The following KIF16B variants were observed in gnomAD, a reference collection of about 807,000 sequenced individuals.
KIF16B encodes the protein kinesin-like protein KIF16B.
Under a neutral mutation model 156.3 loss-of-function variants are expected in KIF16B, and 98 were observed. The ratio of observed to expected loss-of-function variants is 0.63; its 90% confidence interval spans 0.53 to 0.74. KIF16B has a LOEUF of 0.74. Among genes scored for constraint, KIF16B ranks in the 30% least tolerant of loss-of-function variants. KIF16B has a pLI of 0.00. For missense variants in KIF16B, 1,421 were observed against 1,606.5 expected (o/e 0.88, Z 1.97); for synonymous variants, 564 against 583.7 (o/e 0.97, Z 0.49).
intron 17 of KIF16B, among the ~76,000 whole-genome samples, chr20:16,390,788 A>G (rs2065344820): frequency 6.6e-6 from 1 of 152,222 alleles, no homozygotes; most frequent in Non-Finnish European, 1.5e-5. Context: ...CACTTCCTTC[A>G]GCCATGCATT....
chr20:16,528,461 T>C lies in KIF16B; in HGVS notation c.48-21A>G, dbSNP rs374447823. On this transcript the variant is annotated intron_variant, in intron 1 of 25. Transcript: ENST00000354981. ...TTTCCCTGCAATACAAATAATTCAG[T>C]AGTGGTTAGAAGAGAAAAGATTATT... 5.3e-6 allele frequency: 8 copies of C among 1,511,652 alleles called. No individual in the cohort carries two copies. In the African/African-American group the frequency reaches 8.2e-5, roughly 16 times the overall value. 93.6% of individuals were successfully genotyped at this position (1,511,652 alleles called of 1,614,324 possible). A position where few individuals can be genotyped will look rare whatever the true frequency, so the allele number is the denominator to read the frequency against.
intron 10 of KIF16B, 121 bp from the exon 11 acceptor site, chr20:16,497,799 C>G: frequency 1.5e-6 from 1 of 684,292 alleles, no homozygotes; most frequent in Non-Finnish European, 2.5e-6. Flanking sequence ...AAGCAATGTC[C>G]TACACCCTGC....
intron 15 of KIF16B, among the ~76,000 whole-genome samples, chr20:16,424,267 G>C (rs1205493541): frequency 6.6e-6 from 1 of 152,088 alleles, no homozygotes; most frequent in African/African-American, 2.4e-5. Context: ...ATGGAGAGAT[G>C]AATGGGTGGG....
At chr20:16,520,393 A>C (rs1237782283) in intron 3 of KIF16B, among the ~76,000 whole-genome samples, 1 of 152,188 alleles carries the variant, frequency 6.6e-6, no homozygotes, top group East Asian at 1.9e-4. Context: ...TTACCCTCAC[A>C]GTGTAAACAA....
Position 16,494,316 on chromosome 20 carries a change from C to T in KIF16B, c.1277G>A (p.Trp426Ter). ...TTTCAAAATATTTTGGGTTTCATTC[C>T]ACTTATTTGTCCATTCCTTGGTCAA... is the stretch of plus-strand genomic sequence containing the variant. ...QELTKEWTNKWNETQNILKEQ... is the reference protein window; with the variant it reads ...QELTKEWTNK Residue 426 changes from tryptophan (W) to a stop codon, truncating the protein, a stop_gained, in exon 12 of 26, where the codon TGG (tryptophan) becomes TAG (stop). Transcript: ENST00000354981. LOFTEE classifies it high-confidence loss of function. The T allele has an allele frequency of 6.2e-7, 1 of 1,602,680 alleles. No homozygotes were observed. The highest frequency in any genetic ancestry group is 1.7e-5 in the Admixed American group (1 of 59,046).
intron 24 of KIF16B, among the ~76,000 whole-genome samples, chr20:16,317,767 A>G (rs2122759138): frequency 6.6e-6 from 1 of 152,350 alleles, no homozygotes; most frequent in South Asian, 2.1e-4. Context: ...ATGACGGGAG[A>G]CAAGGGTGGC....
chr20:16,458,889 T>C (rs1189185748), intron 12 of KIF16B, among the ~76,000 whole-genome samples: 1 of 152,194 alleles, frequency 6.6e-6, no homozygotes, highest in Non-Finnish European at 1.5e-5. Context: ...AGGGACTATA[T>C]AAATGGAAGG....
chr20:16,494,928 T>C (rs1423975813), intron 11 of KIF16B, among the ~76,000 whole-genome samples: 1 of 152,204 alleles, frequency 6.6e-6, no homozygotes, highest in Non-Finnish European at 1.5e-5. Flanking sequence ...ATCACTTCTT[T>C]CCAGTTGGCT....
At chr20:16,329,291 T>C (rs186459843) in intron 24 of KIF16B, among the ~76,000 whole-genome samples, 1 of 152,306 alleles carries the variant, frequency 6.6e-6, no homozygotes, top group Admixed American at 6.5e-5. Flanking sequence ...GACCTGGATC[T>C]ATAATAGGTA....
chr20:16,502,251 T>C (rs781177588), intron 10 of KIF16B, among the ~76,000 whole-genome samples: 1 of 152,156 alleles, frequency 6.6e-6, no homozygotes, highest in Non-Finnish European at 1.5e-5. Flanking sequence ...ACATTCTCAA[T>C]GAACCACAGC....
intron 17 of KIF16B, among the ~76,000 whole-genome samples, chr20:16,401,472 C>T (rs981642308): frequency 2.6e-5 from 4 of 152,186 alleles, no homozygotes; most frequent in African/African-American, 9.7e-5. Flanking sequence ...GGAACATCCA[C>T]GCCCAAAGAA....
At chr20:16,306,765 C>T (rs2063546891) in intron 25 of KIF16B, among the ~76,000 whole-genome samples, 2 of 152,268 alleles carry the variant, frequency 1.3e-5, no homozygotes, top group South Asian at 4.1e-4. Flanking sequence ...ACCATCACCA[C>T]CACCACAATC....
intron 6 of KIF16B, among the ~76,000 whole-genome samples, chr20:16,510,988 C>T (rs771398045): frequency 2.6e-5 from 4 of 152,198 alleles, no homozygotes; most frequent in Non-Finnish European, 5.9e-5. Context: ...CGTATCACAA[C>T]ACAGATGCTG....
At chr20:16,568,082 G>T (rs1463596951) in intron 1 of KIF16B, among the ~76,000 whole-genome samples, 1 of 152,116 alleles carries the variant, frequency 6.6e-6, no homozygotes, top group Admixed American at 6.5e-5. Flanking sequence ...CTTTCCCTTT[G>T]ACCTATCTTC....
At chr20:16,332,379 T>C (rs760419718) in intron 24 of KIF16B, among the ~76,000 whole-genome samples, 11 of 152,190 alleles carry the variant, frequency 7.2e-5, no homozygotes, top group Non-Finnish European at 1.3e-4. Flanking sequence ...GTTATGGCTA[T>C]GGACACAAAC....
Position 16,544,522 on chromosome 20 carries a change from G to T in KIF16B, c.48-16082C>A, listed in dbSNP as rs148347364. 5.0e-5 allele frequency among the ~76,000 whole-genome samples: 7 copies of T among 138,876 alleles called. No individual in the cohort carries two copies. The South Asian group carries it at 1.1e-3, about 23-fold the overall frequency. The allele number at this position is 138,876 out of a possible 152,430, so 91.1% of individuals were successfully genotyped here. ...CTTGGGAGGCTGAGACAGGAGAGTC[G>T]CTTGAACCTGGAAGGCAGAGGTTGC... On this transcript the variant is annotated intron_variant, in intron 1 of 25. Coordinates refer to ENST00000354981, the MANE Select transcript of KIF16B (RefSeq NM_024704.5).
At chr20:16,428,195 CTG>C (rs2066407425) in intron 14 of KIF16B, among the ~76,000 whole-genome samples, 1 of 152,112 alleles carries the variant, frequency 6.6e-6, no homozygotes, top group Non-Finnish European at 1.5e-5. Context: ...GCAAAAGTAA[CTG>C]TGGTTTTTGC....
chr20:16,406,101 C>T (rs1252579353), intron 16 of KIF16B, among the ~76,000 whole-genome samples: 1 of 152,140 alleles, frequency 6.6e-6, no homozygotes, highest in Non-Finnish European at 1.5e-5. Context: ...AAATGATGCC[C>T]AGTTCCTTGG....
chr20:16,408,724 A>G (rs538868102), intron 15 of KIF16B, among the ~76,000 whole-genome samples: 2,069 of 152,260 alleles, frequency 0.014, 27 homozygotes, highest in Non-Finnish European at 0.021. Context: ...AAGCCCTGTA[A>G]GGAGTTATAA....
Sources: allele counts gnomAD v4.1 joint callset (sites outside exome capture counted in the v4.1 genomes callset), GRCh38; gene constraint gnomAD v4.1.1; transcripts MANE v1.5; gene names NCBI Gene and HGNC (gene_info 2026-07-23, HGNC 2026-07-21).